The following TRPM3 variants were observed in gnomAD, a reference collection of about 807,000 sequenced individuals.
TRPM3 encodes transient receptor potential cation channel subfamily M member 3, also known as long transient receptor potential channel 3.
In TRPM3, 77 loss-of-function variants were observed where a neutral mutation model predicts 181.2. The ratio of observed to expected loss-of-function variants is 0.42; its 90% CI spans 0.35 to 0.51. The LOEUF is 0.51. Ranked by LOEUF, TRPM3 falls within the 20% of genes least tolerant of loss-of-function variation. TRPM3 has a pLI of 0.01. For missense variants in TRPM3, 1,759 were observed against 2,196.7 expected (o/e 0.80, Z 3.98); for synonymous variants, 745 against 796.4 (o/e 0.94, Z 1.09).
intron 1 of TRPM3, among the ~76,000 whole-genome samples, chr9:71,007,060 A>AAAG (rs2097685787): frequency 7.8e-6 from 1 of 128,870 alleles, no homozygotes; most frequent in South Asian, 2.5e-4. Flanking sequence ...AAAAAAAAAA[A>AAAG]AAAGAAAGAA....
intron 1 of TRPM3, among the ~76,000 whole-genome samples, chr9:70,937,226 G>A (rs2096836962): frequency 1.3e-5 from 2 of 152,098 alleles, no homozygotes; most frequent in African/African-American, 4.8e-5. Context: ...AGGTAGCATA[G>A]AAACAGACAG....
At chr9:70,768,289 G>T (rs1203995180) in intron 7 of TRPM3, among the ~76,000 whole-genome samples, 1 of 152,108 alleles carries the variant, frequency 6.6e-6, no homozygotes, top group African/African-American at 2.4e-5. Flanking sequence ...TTTTGATCCA[G>T]CTGCCTATTT....
chr9:70,549,366 A>G (rs886419013), intron 25 of TRPM3, among the ~76,000 whole-genome samples, 176 bp downstream of exon 25: 2 of 152,170 alleles, frequency 1.3e-5, no homozygotes, highest in African/African-American at 4.8e-5. Context: ...TAAGTCTGGG[A>G]TTTTGATCTA....
intron 1 of TRPM3, among the ~76,000 whole-genome samples, chr9:70,931,478 A>G (rs1273319893): frequency 6.6e-6 from 1 of 152,144 alleles, no homozygotes; most frequent in Non-Finnish European, 1.5e-5. Flanking sequence ...CAGAAAATAG[A>G]GTTGTATACA....
chr9:70,861,016 A>G (rs2095506591), intron 3 of TRPM3, among the ~76,000 whole-genome samples: 1 of 152,162 alleles, frequency 6.6e-6, no homozygotes, highest in Non-Finnish European at 1.5e-5. Flanking sequence ...TAAATCCACA[A>G]TCTACATTCT....
chr9:70,894,625 T>C (rs777740051), intron 1 of TRPM3, among the ~76,000 whole-genome samples: 13 of 152,252 alleles, frequency 8.5e-5, no homozygotes, highest in Admixed American at 2.0e-4. Flanking sequence ...ACAAGATTAG[T>C]TGCAGTTGAG....
intron 1 of TRPM3, among the ~76,000 whole-genome samples, chr9:71,197,951 C>G (rs1355239737): frequency 6.6e-6 from 1 of 151,344 alleles, no homozygotes. Context: ...TTGCCCATGC[C>G]TATGTCCTGA....
At chr9:71,341,609 A>G (rs555072973) in intron 1 of TRPM3, among the ~76,000 whole-genome samples, 1 of 152,066 alleles carries the variant, frequency 6.6e-6, no homozygotes, top group East Asian at 1.9e-4. Context: ...AGGGTAAGAC[A>G]TGAGAACTAA....
intron 22 of TRPM3, among the ~76,000 whole-genome samples, chr9:70,581,962 T>C (rs757714759): frequency 8.2e-5 from 8 of 97,896 alleles, no homozygotes; most frequent in African/African-American, 1.7e-4. Context: ...CTCCTTCCTT[T>C]CTTCCTTCCT....
chr9:70,769,104 C>A (rs955882588), intron 7 of TRPM3, among the ~76,000 whole-genome samples: 1 of 152,174 alleles, frequency 6.6e-6, no homozygotes, highest in Non-Finnish European at 1.5e-5. Flanking sequence ...ACAGAGCAGA[C>A]ATGATTCTAT....
intron 9 of TRPM3, among the ~76,000 whole-genome samples, chr9:70,661,963 A>T (rs1317565552): frequency 6.6e-6 from 1 of 152,190 alleles, no homozygotes; most frequent in Non-Finnish European, 1.5e-5. Context: ...CACATAGCCA[A>T]AGAAATACTA....
intron 6 of TRPM3, among the ~76,000 whole-genome samples, chr9:70,802,045 T>C (rs1161579883): frequency 1.3e-5 from 2 of 152,216 alleles, no homozygotes; most frequent in East Asian, 1.9e-4. Flanking sequence ...GAATAAGACC[T>C]GAGAATGTAC....
At chr9:71,072,969 C>T (rs1217564293) in intron 1 of TRPM3, among the ~76,000 whole-genome samples, 1 of 152,190 alleles carries the variant, frequency 6.6e-6, no homozygotes, top group Non-Finnish European at 1.5e-5. Flanking sequence ...TGAAGAAGCT[C>T]GAGGTGGCTG....
At chr9:71,257,567 C>T (rs570811196) in intron 1 of TRPM3, among the ~76,000 whole-genome samples, 22 of 152,206 alleles carry the variant, frequency 1.4e-4, no homozygotes, top group Admixed American at 7.9e-4. Flanking sequence ...TAGCAAAGCA[C>T]GGGCCTGATT....
intron 1 of TRPM3, among the ~76,000 whole-genome samples, chr9:71,251,227 C>T (rs1271989141): frequency 2.6e-5 from 4 of 152,108 alleles, no homozygotes; most frequent in Admixed American, 1.3e-4. Flanking sequence ...TCCTGATATA[C>T]ATTCTTGTGC....
intron 1 of TRPM3, among the ~76,000 whole-genome samples, chr9:71,025,660 T>C (rs150321839): frequency 9.4e-4 from 143 of 152,318 alleles, no homozygotes; most frequent in African/African-American, 2.6e-3. Context: ...GGTAACTCTG[T>C]TCTGGAATTT....
intron 1 of TRPM3, among the ~76,000 whole-genome samples, chr9:70,968,466 T>C (rs2097207091): frequency 6.6e-6 from 1 of 152,318 alleles, no homozygotes; most frequent in South Asian, 2.1e-4. Flanking sequence ...GGAGTCTTAC[T>C]CCACCAGCTT....
At chr9:70,664,772 T>C (rs1272493887) in intron 9 of TRPM3, among the ~76,000 whole-genome samples, 1 of 148,284 alleles carries the variant, frequency 6.7e-6, no homozygotes. Flanking sequence ...TGCCTCAGTC[T>C]CCCAAGTAGC....
chr9:70,788,942 T>C (rs1340780550), intron 6 of TRPM3, among the ~76,000 whole-genome samples: 2 of 152,166 alleles, frequency 1.3e-5, no homozygotes, highest in Non-Finnish European at 2.9e-5. Flanking sequence ...TTCGCTCACT[T>C]GCCAGCCGCT....
Sources: gnomAD v4.1 joint callset for allele counts (sites outside exome capture counted in the v4.1 genomes callset) on GRCh38, gnomAD v4.1.1 for gene constraint, MANE v1.5 for transcripts, NCBI Gene and HGNC (gene_info 2026-07-23, HGNC 2026-07-21) for gene names.